Variants in NRG1 observed in about 807,000 individuals in gnomAD.
NRG1 encodes the protein pro-neuregulin-1, membrane-bound isoform.
Under a neutral mutation model 63.8 loss-of-function variants are expected in NRG1, and 18 were observed. The ratio of observed to expected loss-of-function variants is 0.28; its 90% confidence interval spans 0.19 to 0.42. The LOEUF (loss-of-function observed/expected upper bound fraction) is 0.42. NRG1 is among the 10% of genes least tolerant of loss of function. The pLI, the probability that NRG1 is intolerant of heterozygous loss-of-function variation, is 1.00. For synonymous variants in NRG1, 302 were observed against 301.3 expected, an observed-to-expected ratio of 1.00 and a Z score of -0.02; for missense variants, 762 against 814.7, an observed-to-expected ratio of 0.94 and a Z score of 0.79.
chr8:32,211,090 G>T (rs1461365206), intron 1 of NRG1, among the ~76,000 whole-genome samples: 3 of 151,972 alleles, frequency 2.0e-5, no homozygotes, highest in South Asian at 2.1e-4. Flanking sequence ...CTCTCTAATC[G>T]CATTTCTCAG....
intron 1 of NRG1, among the ~76,000 whole-genome samples, chr8:32,004,888 A>G (rs1813503006): frequency 6.6e-6 from 1 of 151,880 alleles, no homozygotes; most frequent in African/African-American, 2.4e-5. Context: ...ATATAAAATC[A>G]TGTATATAAT....
At chr8:31,769,285 G>T (rs1818384693) in intron 1 of NRG1, among the ~76,000 whole-genome samples, 1 of 152,142 alleles carries the variant, frequency 6.6e-6, no homozygotes, top group Non-Finnish European at 1.5e-5. Flanking sequence ...CATCTTGCAA[G>T]GTTGCCTATC....
At chr8:31,934,396 T>C (rs1835117844) in intron 1 of NRG1, among the ~76,000 whole-genome samples, 2 of 147,844 alleles carry the variant, frequency 1.4e-5, no homozygotes, top group Admixed American at 6.9e-5. Flanking sequence ...TACACACACA[T>C]ACACACACCC....
At chr8:32,526,555 T>C (rs1192865118) in intron 1 of NRG1, among the ~76,000 whole-genome samples, 5 of 152,202 alleles carry the variant, frequency 3.3e-5, no homozygotes, top group African/African-American at 1.2e-4. Flanking sequence ...TTTTAGTCTG[T>C]TGATATAGGA....
intron 1 of NRG1, among the ~76,000 whole-genome samples, chr8:32,566,165 TG>T (rs1213501424): frequency 6.6e-6 from 1 of 152,032 alleles, no homozygotes; most frequent in Non-Finnish European, 1.5e-5. Context: ...GTGACCAGCC[TG>T]ACCAACATGG....
At chr8:31,738,863 G>T (rs138806028) in intron 1 of NRG1, among the ~76,000 whole-genome samples, 1 of 152,152 alleles carries the variant, frequency 6.6e-6, no homozygotes, top group East Asian at 1.9e-4. Flanking sequence ...AAGTACACCA[G>T]CCAAATTGGA....
intron 1 of NRG1, among the ~76,000 whole-genome samples, chr8:32,581,014 A>C (rs757376364): frequency 2.0e-5 from 3 of 152,184 alleles, no homozygotes; most frequent in Non-Finnish European, 2.9e-5. Flanking sequence ...TGTAAAGAGG[A>C]AGGATTTATT....
At chr8:31,854,851 G>T (rs1239786814) in intron 1 of NRG1, among the ~76,000 whole-genome samples, 1 of 152,046 alleles carries the variant, frequency 6.6e-6, no homozygotes. Flanking sequence ...CTTTATTTCT[G>T]CCTTCGTTTC....
intron 1 of NRG1, among the ~76,000 whole-genome samples, chr8:32,114,117 T>TA (rs1246296422): frequency 6.6e-6 from 1 of 152,236 alleles, no homozygotes; most frequent in African/African-American, 2.4e-5. Flanking sequence ...AGCGTTTACT[T>TA]ACATTTGTTT....
At chr8:31,968,592 T>G (rs1160958420) in intron 1 of NRG1, among the ~76,000 whole-genome samples, 1 of 152,190 alleles carries the variant, frequency 6.6e-6, no homozygotes, top group African/African-American at 2.4e-5. Context: ...TAGTACCCCT[T>G]CAACCAGTAG....
chr8:32,388,550 G>A (rs556341356), intron 1 of NRG1, among the ~76,000 whole-genome samples: 3 of 152,226 alleles, frequency 2.0e-5, no homozygotes, highest in East Asian at 3.9e-4. Context: ...TGTAGTTGCC[G>A]CCTCAGGCTC....
intron 1 of NRG1, among the ~76,000 whole-genome samples, chr8:32,293,677 G>A (rs1007388686): frequency 6.3e-5 from 9 of 143,114 alleles, no homozygotes; most frequent in African/African-American, 2.3e-4. Flanking sequence ...TTACATTGAG[G>A]TTCTCTTTAT....
intron 1 of NRG1, among the ~76,000 whole-genome samples, chr8:31,973,433 C>T (rs1392719577): frequency 3.3e-5 from 5 of 152,116 alleles, no homozygotes; most frequent in African/African-American, 1.2e-4. Context: ...ACACTGAAGC[C>T]TGGGATTTAT....
At chr8:32,128,799 CTTCTCA>C (rs1369483699) in intron 1 of NRG1, among the ~76,000 whole-genome samples, 1 of 151,894 alleles carries the variant, frequency 6.6e-6, no homozygotes, top group Non-Finnish European at 1.5e-5. Context: ...CTGTCAAAGC[CTTCTCA>C]ATCTGTGCCT....
chr8:31,940,730 C>A (rs1473619294), intron 1 of NRG1, among the ~76,000 whole-genome samples: 1 of 151,936 alleles, frequency 6.6e-6, no homozygotes, highest in Non-Finnish European at 1.5e-5. Context: ...ACAGCCAATA[C>A]CATAAAAATA....
intron 1 of NRG1, among the ~76,000 whole-genome samples, chr8:32,024,805 T>A (rs1302718322): frequency 6.6e-6 from 1 of 152,182 alleles, no homozygotes; most frequent in Non-Finnish European, 1.5e-5. Context: ...TCATTGAACC[T>A]GTGAGTGAAA....
intron 1 of NRG1, among the ~76,000 whole-genome samples, chr8:32,483,245 A>T (rs1825521832): frequency 6.6e-6 from 1 of 152,230 alleles, no homozygotes; most frequent in Non-Finnish European, 1.5e-5. Context: ...AATCCAAAGC[A>T]CAGCCTGGCT....
At chr8:32,216,931 G>A (rs910456185) in intron 1 of NRG1, among the ~76,000 whole-genome samples, 82 of 151,936 alleles carry the variant, frequency 5.4e-4, no homozygotes, top group African/African-American at 1.9e-3. Context: ...TATTCGGGGA[G>A]GGCAGGCATG....
chr8:31,794,773 A>T (rs1264590411), intron 1 of NRG1, among the ~76,000 whole-genome samples: 1 of 152,100 alleles, frequency 6.6e-6, no homozygotes, highest in Non-Finnish European at 1.5e-5. Context: ...AGATTTATTG[A>T]GTCTATGATG....
Sources: allele counts gnomAD v4.1 joint callset (sites outside exome capture counted in the v4.1 genomes callset), GRCh38; gene constraint gnomAD v4.1.1; transcripts MANE v1.5; gene names NCBI Gene and HGNC (gene_info 2026-07-23, HGNC 2026-07-21).